PRKN: variants seen among roughly 807,000 people sequenced by gnomAD.
PRKN encodes E3 ubiquitin-protein ligase parkin.
PRKN carries 56 observed loss-of-function variants against 59.5 expected under a neutral mutation model. The ratio of observed to expected loss-of-function variants is 0.94; its 90% CI spans 0.76 to 1.18. The LOEUF is 1.18. PRKN is among the 50% of genes most tolerant of loss of function. The pLI is 0.00. For synonymous variants in PRKN, 250 were observed against 222.1 expected, an observed-to-expected ratio of 1.13 and a Z score of -1.12; for missense variants, 657 against 596.4, an observed-to-expected ratio of 1.10 and a Z score of -1.06.
chr6:161,804,347 C>A (rs965635773), intron 6 of PRKN, among the ~76,000 whole-genome samples: 9 of 152,184 alleles, frequency 5.9e-5, no homozygotes, highest in African/African-American at 2.2e-4. Context: ...TGCTCAGATG[C>A]TGCCAGCTGT....
intron 4 of PRKN, among the ~76,000 whole-genome samples, chr6:162,127,328 G>A (rs1781165293): frequency 6.6e-6 from 1 of 152,304 alleles, no homozygotes; most frequent in East Asian, 1.9e-4. Flanking sequence ...CTCAACTTTT[G>A]CTTTCCAAAT....
In PRKN at chr6:161,393,124, A is replaced by C. The variant is rs1186645065; in HGVS notation, c.1084-6247T>G. On this transcript the variant is annotated intron_variant, in intron 9 of 11. Coordinates refer to ENST00000366898, the MANE Select transcript of PRKN (RefSeq NM_004562.3). The surrounding 1 kb of genome is among the most constrained non-coding windows in gnomAD (Gnocchi z 4.7). ...TGCTTGAGCTTTTTTGCATCTACAAAGAAGAAATAATAAGATAAAGAATAT... is the reference window on the plus strand; with the variant it reads ...TGCTTGAGCTTTTTTGCATCTACAACGAAGAAATAATAAGATAAAGAATAT... Among the ~76,000 whole-genome samples, 2 of 152,126 alleles carry C rather than the reference A, an allele frequency of 1.3e-5. No individual in the cohort carries two copies. Among genetic ancestry groups the C allele is most frequent in the East Asian group, 3.8e-4 (2 of 5,198 alleles).
chr6:161,890,874 A>C (rs915046328), intron 6 of PRKN, among the ~76,000 whole-genome samples: 1 of 152,180 alleles, frequency 6.6e-6, no homozygotes, highest in Non-Finnish European at 1.5e-5. Context: ...GTCTTAGAAC[A>C]ATCACTTCTT....
At chr6:162,604,800 T>A (rs887442465) in intron 1 of PRKN, among the ~76,000 whole-genome samples, 2 of 151,288 alleles carry the variant, frequency 1.3e-5, no homozygotes, top group Non-Finnish European at 2.9e-5. Context: ...TTCAGATCAA[T>A]GGTGAAATTG....
At chr6:162,111,460 G>C (rs1408127469) in intron 4 of PRKN, among the ~76,000 whole-genome samples, 3 of 145,492 alleles carry the variant, frequency 2.1e-5, no homozygotes, top group Non-Finnish European at 4.5e-5. Context: ...GTGAGACTCT[G>C]TCTAAAAAAA....
chr6:161,792,797 T>C (rs776877819), intron 6 of PRKN, among the ~76,000 whole-genome samples: 7 of 152,172 alleles, frequency 4.6e-5, no homozygotes, highest in Non-Finnish European at 7.3e-5. Context: ...CAGTATTTGA[T>C]TAGATAAAAG....
chr6:161,351,577 G>A (rs910061427), intron 11 of PRKN, among the ~76,000 whole-genome samples: 5 of 151,908 alleles, frequency 3.3e-5, no homozygotes, highest in African/African-American at 4.8e-5. Flanking sequence ...CTCCCGCCTC[G>A]GCCTCCCAAA....
intron 4 of PRKN, among the ~76,000 whole-genome samples, chr6:162,058,018 G>T (rs1777934692): frequency 6.6e-6 from 1 of 152,122 alleles, no homozygotes; most frequent in Non-Finnish European, 1.5e-5. Context: ...GGCACATCTT[G>T]CCCCTTTGTT....
intron 7 of PRKN, among the ~76,000 whole-genome samples, chr6:161,694,906 C>A (rs369998497): frequency 2.0e-5 from 3 of 152,264 alleles, no homozygotes; most frequent in East Asian, 3.9e-4. Context: ...TTGACACTCA[C>A]TGCGGGATCA....
At chr6:162,622,470 C>A (rs1432485088) in intron 1 of PRKN, among the ~76,000 whole-genome samples, 1 of 152,112 alleles carries the variant, frequency 6.6e-6, no homozygotes, top group African/African-American at 2.4e-5. Flanking sequence ...AGGGGTGAGC[C>A]ACCGTGCCTG....
chr6:161,921,522 G>C (rs1435604595), intron 6 of PRKN, among the ~76,000 whole-genome samples: 1 of 152,096 alleles, frequency 6.6e-6, no homozygotes, highest in East Asian at 1.9e-4. Flanking sequence ...GCACAGTTTT[G>C]TTTACACCAG....
Position 161,554,357 on chromosome 6 carries a change from C to T in PRKN, c.934-5354G>A, listed in dbSNP as rs182572149. 1.6e-3 allele frequency among the ~76,000 whole-genome samples: 244 copies of T among 151,538 alleles called. No homozygotes were observed. The highest frequency in any genetic ancestry group is 3.4e-3 in the Middle Eastern group (1 of 294). On this transcript the variant is annotated intron_variant, in intron 8 of 11. Transcript: ENST00000366898. This position sits in a 1 kb window ranked among gnomAD's most constrained non-coding sequence, Gnocchi z 4.5. ...ACACTGTTAACACATGCGGCCATTT[C>T]GAACTATGCTGTCTTTCTCTTAACC... is the stretch of plus-strand genomic sequence containing the variant.
At position 161,401,624 on chromosome 6, in the gene PRKN, CA is replaced by C. The variant is rs5881404; in HGVS notation, c.1084-14748del. The stretch of plus-strand genomic sequence containing the variant: ...GCAAGATTCTGTCCCCACTCCCCAC[CA>C]AAAAAAAAAAATTAGAGTACTGATC... On this transcript the variant is annotated intron_variant, in intron 9 of 11. Coordinates refer to ENST00000366898, the MANE Select transcript of PRKN (RefSeq NM_004562.3). The surrounding 1 kb of genome is among the most constrained non-coding windows in gnomAD (Gnocchi z 4.4). Among the ~76,000 whole-genome samples, 44,841 of 146,798 alleles carry C rather than the reference CA, an allele frequency of 0.31. 6,824 individuals are homozygous for C. The highest frequency in any genetic ancestry group is 0.36 in the Middle Eastern group (101 of 280).
chr6:161,543,698 C>T (rs1779697117), intron 9 of PRKN, among the ~76,000 whole-genome samples: 1 of 152,134 alleles, frequency 6.6e-6, no homozygotes, highest in African/African-American at 2.4e-5. Flanking sequence ...CAGAAAATTC[C>T]TTATCCAACT....
intron 7 of PRKN, among the ~76,000 whole-genome samples, chr6:161,727,916 A>G (rs1370389119): frequency 6.6e-6 from 1 of 152,178 alleles, no homozygotes; most frequent in African/African-American, 2.4e-5. Context: ...ACCCAATTCC[A>G]TACCCCAGAA....
intron 1 of PRKN, among the ~76,000 whole-genome samples, chr6:162,448,582 C>G (rs1790433526): frequency 6.6e-6 from 1 of 152,046 alleles, no homozygotes; most frequent in Admixed American, 6.5e-5. Context: ...CCAGAGAAAC[C>G]CTTCTGGTTT....
intron 6 of PRKN, among the ~76,000 whole-genome samples, chr6:161,789,530 C>T (rs1304238532): frequency 4.6e-5 from 7 of 152,174 alleles, no homozygotes; most frequent in Admixed American, 3.9e-4. Context: ...TCACAAATTC[C>T]TAGGTCCAGT....
At chr6:161,696,966 T>C (rs1228007885) in intron 7 of PRKN, among the ~76,000 whole-genome samples, 3 of 152,198 alleles carry the variant, frequency 2.0e-5, no homozygotes, top group African/African-American at 7.2e-5. Flanking sequence ...GAAATGGTGA[T>C]TGCCTGGATC....
At chr6:161,941,232 A>G (rs577715771) in intron 6 of PRKN, among the ~76,000 whole-genome samples, 42 of 152,074 alleles carry the variant, frequency 2.8e-4, no homozygotes, top group African/African-American at 9.6e-4. Context: ...GCCTATAAAA[A>G]CCCTGAGAGC....
Sources: gnomAD v4.1 joint callset for allele counts (sites outside exome capture counted in the v4.1 genomes callset) on GRCh38, gnomAD v4.1.1 for gene constraint, Gnocchi (gnomAD v3.1) non-coding constraint, MANE v1.5 for transcripts, NCBI Gene and HGNC (gene_info 2026-07-23, HGNC 2026-07-21) for gene names.